The following CERS3 variants were observed in gnomAD, a reference collection of about 807,000 sequenced individuals.
CERS3 encodes ceramide synthase 3.
CERS3 carries 33 observed loss-of-function variants against 50.3 expected under a neutral mutation model. The ratio of observed to expected loss-of-function variants is 0.66; its 90% CI spans 0.50 to 0.88. The LOEUF (loss-of-function observed/expected upper bound fraction) is 0.88, where lower values mean the gene tolerates loss of function less well. Ranked by LOEUF, CERS3 falls within the 40% of genes least tolerant of loss-of-function variation. The pLI, the probability that CERS3 is intolerant of heterozygous loss-of-function variation, is 0.00. For synonymous variants in CERS3, 176 were observed against 155.2 expected (o/e 1.13, Z -0.99); for missense variants, 470 against 460.3 (o/e 1.02, Z -0.19).
chr15:100,423,793 A>G (rs2032624743), intron 11 of CERS3, among the ~76,000 whole-genome samples: 1 of 152,130 alleles, frequency 6.6e-6, no homozygotes, highest in South Asian at 2.1e-4. Flanking sequence ...TACTCCAGCC[A>G]TGTAAGATGT....
At chr15:100,484,329 T>C (rs28620286) in intron 5 of CERS3, among the ~76,000 whole-genome samples, 3,452 of 152,328 alleles carry the variant, frequency 0.023, 137 homozygotes, top group African/African-American at 0.079. Flanking sequence ...TCTATTCTGG[T>C]TCGGGAGGCC....
At chr15:100,514,841 T>A (rs1416550750) in intron 2 of CERS3, among the ~76,000 whole-genome samples, 1 of 152,192 alleles carries the variant, frequency 6.6e-6, no homozygotes, top group East Asian at 1.9e-4. Flanking sequence ...ACATGATAAG[T>A]TCTGGGTGGC....
In CERS3 at chr15:100,429,760, T is replaced by G. The variant is rs188121801; in HGVS notation, c.999+26133A>C. Among the ~76,000 whole-genome samples, 11 of 152,262 alleles carry G rather than the reference T, an allele frequency of 7.2e-5. No homozygotes were observed. In the East Asian group the frequency reaches 1.9e-3, roughly 27 times the overall value. On this transcript the variant is annotated intron_variant, in intron 11 of 11. Coordinates refer to ENST00000679737, the MANE Select transcript of CERS3 (RefSeq NM_001378789.1). ...AGCTTCACCATCTGTGTTTCTTAAA[T>G]AAACATACTTATCCACAGCCATCAC...
chr15:100,488,903 A>C (rs1166694340), intron 4 of CERS3, among the ~76,000 whole-genome samples: 1 of 151,892 alleles, frequency 6.6e-6, no homozygotes, highest in African/African-American at 2.4e-5. Context: ...CAGCCTCCCA[A>C]GTAGCTGGGA....
At chr15:100,414,258 C>A (rs913903723) in intron 11 of CERS3, among the ~76,000 whole-genome samples, 1 of 152,126 alleles carries the variant, frequency 6.6e-6, no homozygotes, top group Non-Finnish European at 1.5e-5. Context: ...AACTACAAAC[C>A]ACTCCTCAAG....
chr15:100,493,483 CT>C (rs1437080178), intron 3 of CERS3, among the ~76,000 whole-genome samples: 1 of 152,108 alleles, frequency 6.6e-6, no homozygotes, highest in Non-Finnish European at 1.5e-5. Flanking sequence ...TTCTTTTTGG[CT>C]TTTGACAAGT....
chr15:100,427,207 G>A (rs1323579101), intron 11 of CERS3, among the ~76,000 whole-genome samples: 1 of 151,994 alleles, frequency 6.6e-6, no homozygotes, highest in Non-Finnish European at 1.5e-5. Context: ...CAGGCCTTGT[G>A]ATGGCTACTT....
At chr15:100,514,442 GATA>G (rs1341719127) in intron 2 of CERS3, among the ~76,000 whole-genome samples, 2 of 152,114 alleles carry the variant, frequency 1.3e-5, no homozygotes, top group African/African-American at 2.4e-5. Flanking sequence ...TTGGAAACTA[GATA>G]ATAAATTTTA....
At chr15:100,429,361 G>A (rs1247416961) in intron 11 of CERS3, among the ~76,000 whole-genome samples, 1 of 152,188 alleles carries the variant, frequency 6.6e-6, no homozygotes, top group East Asian at 1.9e-4. Context: ...CTGCGATGTG[G>A]AAGGGGTATT....
chr15:100,543,692 G>T (rs2037260406), intron 1 of CERS3, among the ~76,000 whole-genome samples: 1 of 152,052 alleles, frequency 6.6e-6, no homozygotes, highest in South Asian at 2.1e-4. Context: ...ACCACGCTCG[G>T]CTTATTTTTG....
At chr15:100,448,418 T>A (rs978995993) in intron 11 of CERS3, among the ~76,000 whole-genome samples, 11 of 152,162 alleles carry the variant, frequency 7.2e-5, no homozygotes, top group Non-Finnish European at 1.2e-4. Context: ...AAGTAAGAGA[T>A]CTCAGTAGTC....
chr15:100,418,403 C>G (rs560224706), intron 11 of CERS3, among the ~76,000 whole-genome samples: 1 of 150,510 alleles, frequency 6.6e-6, no homozygotes, highest in East Asian at 1.9e-4. Flanking sequence ...AAGAAATGAG[C>G]AAAGCCTCCA....
chr15:100,534,365 T>C (rs1423482939), intron 1 of CERS3, among the ~76,000 whole-genome samples: 1 of 152,076 alleles, frequency 6.6e-6, no homozygotes, highest in African/African-American at 2.4e-5. Context: ...ACTTACAGAG[T>C]TGTAAAAACA....
chr15:100,417,257 T>C lies in CERS3; in HGVS notation c.1000-14392A>G, dbSNP rs1038146481. Among the ~76,000 whole-genome samples, 4 of 151,820 alleles carry C rather than the reference T, an allele frequency of 2.6e-5. 1 individual carries two copies. The highest frequency in any genetic ancestry group is 4.4e-5 in the Non-Finnish European group (3 of 67,966). On this transcript the variant is annotated intron_variant, in intron 11 of 11. Coordinates refer to ENST00000679737, the MANE Select transcript of CERS3 (RefSeq NM_001378789.1). ...GCGTGAGCCGAAGCAGGGCGAGGCA[T>C]TGCCTCACTTGGGAAGAGCAAGGGG...
At chr15:100,543,633 G>T (rs569998725) in intron 1 of CERS3, among the ~76,000 whole-genome samples, 1 of 151,598 alleles carries the variant, frequency 6.6e-6, no homozygotes, top group East Asian at 1.9e-4. Context: ...GGGTTCAAGC[G>T]ATTCTCCTGC....
chr15:100,472,712 A>T (rs1441895525), intron 9 of CERS3, among the ~76,000 whole-genome samples: 1 of 152,182 alleles, frequency 6.6e-6, no homozygotes, highest in Non-Finnish European at 1.5e-5. Flanking sequence ...ACAAATTAAC[A>T]TCTCTCTAGT....
chr15:100,413,300 A>G (rs1189293365), intron 11 of CERS3, among the ~76,000 whole-genome samples: 1 of 152,188 alleles, frequency 6.6e-6, no homozygotes. Flanking sequence ...GTAAAGCAAC[A>G]TTCAAGGAAT....
intron 11 of CERS3, among the ~76,000 whole-genome samples, chr15:100,433,211 G>T (rs1454345436): frequency 1.3e-5 from 2 of 150,848 alleles, no homozygotes. Context: ...ACTCTGGCCT[G>T]GGCAATAGAG....
At chr15:100,491,210 G>C (rs891445571) in intron 3 of CERS3, among the ~76,000 whole-genome samples, 7 of 151,928 alleles carry the variant, frequency 4.6e-5, no homozygotes, top group African/African-American at 1.7e-4. Flanking sequence ...AGAATAAGCT[G>C]TTCTACTTAG....
Sources: gnomAD v4.1 joint callset for allele counts (sites outside exome capture counted in the v4.1 genomes callset) on GRCh38, gnomAD v4.1.1 for gene constraint, MANE v1.5 for transcripts, NCBI Gene and HGNC (gene_info 2026-07-23, HGNC 2026-07-21) for gene names.